Variants in MAPKAP1 observed in about 807,000 individuals in gnomAD.
MAPKAP1 encodes the protein target of rapamycin complex 2 subunit MAPKAP1.
Under a neutral mutation model 65.7 loss-of-function variants are expected in MAPKAP1, and 20 were observed. The observed-to-expected ratio is 0.30, with a 90% confidence interval of 0.21 to 0.44. MAPKAP1 has a LOEUF of 0.44. Among genes scored for constraint, MAPKAP1 ranks in the 20% least tolerant of loss-of-function variants. The pLI is 1.00. For missense variants in MAPKAP1, 423 were observed against 648.0 expected, an observed-to-expected ratio of 0.65 and a Z score of 3.77; for synonymous variants, 222 against 244.3, an observed-to-expected ratio of 0.91 and a Z score of 0.85.
chr9:125,555,773 T>C (rs1471285461), intron 6 of MAPKAP1, among the ~76,000 whole-genome samples: 1 of 152,244 alleles, frequency 6.6e-6, no homozygotes, highest in Non-Finnish European at 1.5e-5. Context: ...TGTGTGCTCA[T>C]AAGAGGACTC....
intron 4 of MAPKAP1, chr9:125,596,443 T>C (rs1832128107): frequency 3.9e-6 from 3 of 771,814 alleles, no homozygotes; most frequent in Non-Finnish European, 7.0e-6. Flanking sequence ...TGGTGGAAGC[T>C]ACAATGATTC....
chr9:125,575,326 C>T (rs1831361063), intron 5 of MAPKAP1, among the ~76,000 whole-genome samples: 1 of 152,140 alleles, frequency 6.6e-6, no homozygotes, highest in African/African-American at 2.4e-5. Flanking sequence ...TGCACAACCG[C>T]ACTCCAACCT....
intron 1 of MAPKAP1, among the ~76,000 whole-genome samples, chr9:125,681,627 C>G (rs867933511): frequency 6.6e-6 from 1 of 152,146 alleles, no homozygotes; most frequent in African/African-American, 2.4e-5. Context: ...CACTTCTCCA[C>G]GGACACACCT....
intron 3 of MAPKAP1, among the ~76,000 whole-genome samples, chr9:125,658,780 T>C (rs986662425): frequency 6.6e-6 from 1 of 152,212 alleles, no homozygotes; most frequent in African/African-American, 2.4e-5. Flanking sequence ...AAGGTGGCGG[T>C]AGCTAGATGA....
chr9:125,568,784 T>C (rs1403465661), intron 5 of MAPKAP1: 1 of 157,586 alleles, frequency 6.3e-6, no homozygotes, highest in Non-Finnish European at 1.4e-5. Context: ...GCAATGGTGC[T>C]GCAAGCTGGA....
intron 4 of MAPKAP1, among the ~76,000 whole-genome samples, chr9:125,650,936 G>A (rs1833875071): frequency 6.6e-6 from 1 of 152,134 alleles, no homozygotes; most frequent in South Asian, 2.1e-4. Flanking sequence ...TGGTAAGGGG[G>A]AAATAATCTC....
Position 125,483,135 on chromosome 9 carries a change from C to T in MAPKAP1, c.1207+1308G>A, listed in dbSNP as rs572842635. 5.3e-5 allele frequency among the ~76,000 whole-genome samples: 8 copies of T among 152,236 alleles called. 1 individual carries two copies. Among genetic ancestry groups the T allele is most frequent in the African/African-American group, 1.9e-4 (8 of 41,532 alleles). ...TAGGGAAGTTTACAACTGCAGGCCC[C>T]GTACTCAGTGCTTTACATGTGGGAT... On this transcript the variant is annotated intron_variant, in intron 9 of 11. Coordinates refer to ENST00000265960, the MANE Select transcript of MAPKAP1 (RefSeq NM_001006617.3).
chr9:125,508,896 TAAATA>T (rs1279695223), intron 7 of MAPKAP1, among the ~76,000 whole-genome samples: 2 of 152,176 alleles, frequency 1.3e-5, no homozygotes, highest in African/African-American at 4.8e-5. Context: ...GGGGACTGAT[TAAATA>T]AAATATTATG....
chr9:125,640,999 C>A (rs1399199177), intron 4 of MAPKAP1, among the ~76,000 whole-genome samples: 2 of 152,112 alleles, frequency 1.3e-5, no homozygotes, highest in South Asian at 4.1e-4. Context: ...CTGGCCCTAC[C>A]GTATAGCAGG....
chr9:125,453,285 C>T (rs537477021), intron 10 of MAPKAP1, among the ~76,000 whole-genome samples: 3 of 152,352 alleles, frequency 2.0e-5, no homozygotes, highest in South Asian at 2.1e-4. Flanking sequence ...AGGCTGGTCT[C>T]GTACTCCTGA....
intron 5 of MAPKAP1, among the ~76,000 whole-genome samples, chr9:125,563,371 A>C (rs1039242532): frequency 1.3e-5 from 2 of 152,230 alleles, no homozygotes; most frequent in Admixed American, 1.3e-4. Context: ...ATGCTAACTC[A>C]AATTCTTAGA....
At chr9:125,455,114 G>A (rs1853117173) in intron 10 of MAPKAP1, among the ~76,000 whole-genome samples, 1 of 152,166 alleles carries the variant, frequency 6.6e-6, no homozygotes, top group Admixed American at 6.5e-5. Context: ...TGTGTCAGTG[G>A]CAGAGGGAAG....
rs1588095084 is a variant in MAPKAP1 at position 125,705,198 on chromosome 9, T to A, written c.-70+1773A>T. Among the ~76,000 whole-genome samples, 3 of 152,300 alleles carry A rather than the reference T, an allele frequency of 2.0e-5. No homozygotes were observed. The South Asian group carries it at 6.2e-4, about 32-fold the overall frequency. ...ATGTACTTGCATAAAAAGAGGGAGA[T>A]GATGTGAGAAAAAGGCAAGACATGT... On this transcript the variant is annotated intron_variant, in intron 1 of 11. Transcript: ENST00000265960.
In MAPKAP1 at chr9:125,449,213, C is replaced by A. The variant is rs577832405; in HGVS notation, c.1346-4615G>T. On this transcript the variant is annotated intron_variant, in intron 10 of 11. Coordinates refer to ENST00000265960, the MANE Select transcript of MAPKAP1 (RefSeq NM_001006617.3). ...AATTAGGATGAAATCCTAGCTCTGC[C>A]ATGTTTCAGCTGTGGGACCTTGGCA... 5.1e-4 allele frequency among the ~76,000 whole-genome samples: 78 copies of A among 152,130 alleles called. 1 individual carries two copies. Among genetic ancestry groups the A allele is most frequent in the African/African-American group, 1.7e-3 (70 of 41,490 alleles).
intron 10 of MAPKAP1, among the ~76,000 whole-genome samples, chr9:125,452,262 C>T (rs1055802549): frequency 2.0e-5 from 3 of 152,138 alleles, no homozygotes; most frequent in African/African-American, 7.2e-5. Flanking sequence ...CCACGCCGAG[C>T]TAATTTTTGA....
At chr9:125,444,272 C>T (rs1415631855) in intron 11 of MAPKAP1, among the ~76,000 whole-genome samples, 1 of 152,246 alleles carries the variant, frequency 6.6e-6, no homozygotes, top group Admixed American at 6.5e-5. Context: ...GAAAAGGGTC[C>T]TGCTTTGACT....
intron 7 of MAPKAP1, among the ~76,000 whole-genome samples, chr9:125,513,830 G>A (rs544003081): frequency 1.3e-5 from 2 of 152,270 alleles, no homozygotes; most frequent in South Asian, 4.2e-4. Context: ...TCTTTCCCTC[G>A]TGTGTCCAAA....
chr9:125,517,251 A>G (rs1053652000), intron 7 of MAPKAP1, among the ~76,000 whole-genome samples: 5 of 152,214 alleles, frequency 3.3e-5, no homozygotes, highest in African/African-American at 1.2e-4. Flanking sequence ...AGAAAGGAGT[A>G]AAGATGCTGT....
chr9:125,489,924 A>T (rs982127915), intron 8 of MAPKAP1, among the ~76,000 whole-genome samples: 2 of 152,204 alleles, frequency 1.3e-5, no homozygotes, highest in Non-Finnish European at 2.9e-5. Flanking sequence ...CACTGTTAGG[A>T]AAGGTGAAAC....
Sources: allele counts gnomAD v4.1 joint callset (sites outside exome capture counted in the v4.1 genomes callset), GRCh38; gene constraint gnomAD v4.1.1; transcripts MANE v1.5; gene names NCBI Gene and HGNC (gene_info 2026-07-23, HGNC 2026-07-21).